The following MALRD1 variants were observed in gnomAD, a reference collection of about 807,000 sequenced individuals.
MALRD1 encodes the protein MAM and LDL receptor class A domain containing 1, also known as MAM and LDL-receptor class A domain-containing protein 1.
A neutral mutation model predicts 242.1 loss-of-function variants in MALRD1; 247 were observed. The ratio of observed to expected loss-of-function variants is 1.02; its 90% confidence interval spans 0.92 to 1.13. The LOEUF is 1.13. MALRD1 is among the 50% of genes most tolerant of loss of function. MALRD1 has a pLI of 0.00. For missense variants in MALRD1, 2,989 were observed against 2,533.1 expected (o/e 1.18, Z -3.86); for synonymous variants, 995 against 866.6 (o/e 1.15, Z -2.60).
chr10:19,109,146 G>A (rs764588535), intron 5 of MALRD1, among the ~76,000 whole-genome samples: 10 of 152,174 alleles, frequency 6.6e-5, no homozygotes, highest in Non-Finnish European at 1.5e-4. Context: ...ACCTGAAGGT[G>A]TCTCATTGGC....
chr10:19,342,486 T>C (rs557856999), intron 24 of MALRD1, among the ~76,000 whole-genome samples: 10 of 152,236 alleles, frequency 6.6e-5, no homozygotes, highest in African/African-American at 2.4e-4. Flanking sequence ...GTAAAAGAGA[T>C]ATGTAAATAA....
At chr10:19,401,500 A>G (rs186984117) in intron 28 of MALRD1, among the ~76,000 whole-genome samples, 148 of 152,316 alleles carry the variant, frequency 9.7e-4, no homozygotes, top group African/African-American at 3.4e-3. Context: ...AAACAATTGA[A>G]AAATGAAATC....
chr10:19,679,143 G>A (rs1417736855), intron 36 of MALRD1, among the ~76,000 whole-genome samples: 1 of 152,126 alleles, frequency 6.6e-6, no homozygotes, highest in Non-Finnish European at 1.5e-5. Flanking sequence ...TCTCTACCAG[G>A]TTTTGGTATC....
chr10:19,637,932 CT>C, intron 36 of MALRD1, among the ~76,000 whole-genome samples: 1 of 151,700 alleles, frequency 6.6e-6, no homozygotes, highest in East Asian at 1.9e-4. Flanking sequence ...GAAACCCCAT[CT>C]CTACTAAAAA....
rs547621117 is a variant in MALRD1, at chr10:19,231,668, C to T, written c.2991+21988C>T. 4.6e-5 allele frequency among the ~76,000 whole-genome samples: 7 copies of T among 152,070 alleles called. No homozygotes were observed. The South Asian group carries it at 1.5e-3, about 32-fold the overall frequency. On this transcript the variant is annotated intron_variant, in intron 18 of 39. Transcript: ENST00000454679. ...AGATGTGCCTTTGCTTCTTTTTTGC[C>T]TTCTGCCGTGACTGTGAGGCCTCCC...
intron 32 of MALRD1, among the ~76,000 whole-genome samples, chr10:19,552,392 G>C (rs1302747266): frequency 6.6e-6 from 1 of 152,104 alleles, no homozygotes; most frequent in African/African-American, 2.4e-5. Flanking sequence ...ATGGTTGTTT[G>C]TATTTCTGTG....
chr10:19,719,226 A>ATATGTG (rs1834605624), intron 38 of MALRD1, among the ~76,000 whole-genome samples: 1 of 25,702 alleles, frequency 3.9e-5, no homozygotes, highest in East Asian at 1.2e-3. Flanking sequence ...ATACATACAT[A>ATATGTG]TATATATATA....
At chr10:19,727,236 A>T (rs1835068635) in intron 38 of MALRD1, among the ~76,000 whole-genome samples, 1 of 152,164 alleles carries the variant, frequency 6.6e-6, no homozygotes, top group South Asian at 2.1e-4. Flanking sequence ...AATACAAAAT[A>T]TTCACCTCGA....
chr10:19,376,215 T>A (rs1376783478), intron 26 of MALRD1, among the ~76,000 whole-genome samples: 1 of 152,234 alleles, frequency 6.6e-6, no homozygotes, highest in Admixed American at 6.5e-5. Flanking sequence ...TTCCTTTCCT[T>A]GCCCTCAGCG....
chr10:19,088,576 T>C lies in MALRD1; in HGVS notation c.597+391T>C, dbSNP rs1835765201. Among the ~76,000 whole-genome samples, 5 of 109,976 alleles carry C rather than the reference T, an allele frequency of 4.5e-5. No homozygotes were observed. In the South Asian group the frequency reaches 1.5e-3, roughly 33 times the overall value. 72.1% of individuals were successfully genotyped at this position (109,976 alleles called of 152,430 possible). A position where few individuals can be genotyped will look rare whatever the true frequency, so the allele number is the denominator to read the frequency against. On this transcript the variant is annotated intron_variant, in intron 4 of 39. Coordinates refer to ENST00000454679, the MANE Select transcript of MALRD1 (RefSeq NM_001142308.3). ...TTATTTTATAAAGTTTTTTTTTATT[T>C]ATTTATTTATTTATTTTTTTTTATT... is the stretch of plus-strand genomic sequence containing the variant.
At chr10:19,286,115 C>T (rs1346441433) in intron 21 of MALRD1, among the ~76,000 whole-genome samples, 3 of 134,266 alleles carry the variant, frequency 2.2e-5, no homozygotes, top group Non-Finnish European at 4.7e-5. Context: ...TATCCTGAGA[C>T]TTTGCTGAAG....
At chr10:19,530,401 T>TTTATATAAATA (rs1834325861) in intron 31 of MALRD1, among the ~76,000 whole-genome samples, 1 of 34,068 alleles carries the variant, frequency 2.9e-5, no homozygotes, top group Non-Finnish European at 5.7e-5. Context: ...TATATAAATA[T>TTTATATAAATA]TATATATTTA....
intron 19 of MALRD1, among the ~76,000 whole-genome samples, chr10:19,274,423 G>A (rs1369147096): frequency 2.6e-5 from 4 of 152,152 alleles, no homozygotes; most frequent in African/African-American, 9.7e-5. Flanking sequence ...ATTAGGTCAG[G>A]AGAGTAAAGC....
intron 36 of MALRD1, among the ~76,000 whole-genome samples, chr10:19,666,844 A>C (rs1841702146): frequency 6.6e-6 from 1 of 152,210 alleles, no homozygotes; most frequent in Non-Finnish European, 1.5e-5. Context: ...GGCAGTGAAG[A>C]ATGAACAAAA....
At chr10:19,199,594 A>T (rs1836429951) in intron 14 of MALRD1, among the ~76,000 whole-genome samples, 1 of 152,120 alleles carries the variant, frequency 6.6e-6, no homozygotes, top group South Asian at 2.1e-4. Flanking sequence ...TGAGGTCAGG[A>T]GTTCAAAACC....
At chr10:19,714,375 G>A (rs1834281948) in intron 38 of MALRD1, among the ~76,000 whole-genome samples, 1 of 152,120 alleles carries the variant, frequency 6.6e-6, no homozygotes, top group African/African-American at 2.4e-5. Flanking sequence ...TGGTCAGCCT[G>A]CCAGCGTCTA....
intron 18 of MALRD1, among the ~76,000 whole-genome samples, chr10:19,233,580 G>T (rs1554816511): frequency 6.6e-6 from 1 of 150,636 alleles, no homozygotes; most frequent in Non-Finnish European, 1.5e-5. Flanking sequence ...TTTTCCCAAA[G>T]CTTTTTCAAA....
chr10:19,443,773 G>A (rs1834803301), intron 28 of MALRD1, among the ~76,000 whole-genome samples: 1 of 152,168 alleles, frequency 6.6e-6, no homozygotes, highest in African/African-American at 2.4e-5. Flanking sequence ...AGTGTGATGT[G>A]GTGCTGAGAA....
intron 33 of MALRD1, among the ~76,000 whole-genome samples, chr10:19,568,950 T>G (rs1243127453): frequency 6.6e-6 from 1 of 152,142 alleles, no homozygotes; most frequent in East Asian, 1.9e-4. Context: ...TAGATACATA[T>G]TCACATAATA....
Sources: gnomAD v4.1 joint callset for allele counts (sites outside exome capture counted in the v4.1 genomes callset) on GRCh38, gnomAD v4.1.1 for gene constraint, MANE v1.5 for transcripts, NCBI Gene and HGNC (gene_info 2026-07-23, HGNC 2026-07-21) for gene names.